Variants in CFAP251 observed in about 807,000 individuals in gnomAD.
CFAP251 encodes the protein cilia and flagella associated protein 251, also known as cilia- and flagella-associated protein 251.
CFAP251 carries 93 observed loss-of-function variants against 126.7 expected under a neutral mutation model. The ratio of observed to expected loss-of-function variants is 0.73; its 90% CI spans 0.62 to 0.87. The LOEUF is 0.87. Among genes scored for constraint, CFAP251 ranks in the 40% least tolerant of loss-of-function variants. The probability of loss-of-function intolerance (pLI) is 0.00; values close to 1 mark genes in which losing one functional copy is unlikely to be tolerated. For synonymous variants in CFAP251, 503 were observed against 506.9 expected, an observed-to-expected ratio of 0.99 and a Z score of 0.10; for missense variants, 1,287 against 1,389.2, an observed-to-expected ratio of 0.93 and a Z score of 1.17.
At chr12:121,977,875 C>T (rs1480280304) in intron 19 of CFAP251, among the ~76,000 whole-genome samples, 7 of 151,116 alleles carry the variant, frequency 4.6e-5, no homozygotes, top group Non-Finnish European at 7.4e-5. Context: ...AGGAGAATGG[C>T]GTGAACCCGG....
intron 19 of CFAP251, among the ~76,000 whole-genome samples, chr12:121,990,365 G>C (rs1882849132): frequency 1.3e-5 from 2 of 152,228 alleles, no homozygotes; most frequent in African/African-American, 4.8e-5. Flanking sequence ...TTGGCCTCAG[G>C]AGGGTGAGAT....
intron 19 of CFAP251, among the ~76,000 whole-genome samples, chr12:121,990,347 G>A (rs535451455): frequency 1.3e-5 from 2 of 152,336 alleles, no homozygotes; most frequent in Admixed American, 6.5e-5. Context: ...CAACACCAGG[G>A]GCACAGGTTG....
intron 19 of CFAP251, among the ~76,000 whole-genome samples, chr12:121,986,994 C>T (rs1431611093): frequency 6.6e-6 from 1 of 152,174 alleles, no homozygotes; most frequent in Non-Finnish European, 1.5e-5. Context: ...CCCCCCAAAG[C>T]CCTGTGTGCT....
At chr12:121,983,911 C>A (rs1882686611) in intron 19 of CFAP251, among the ~76,000 whole-genome samples, 4 of 152,152 alleles carry the variant, frequency 2.6e-5, no homozygotes, top group South Asian at 2.1e-4. Context: ...TAAAAAAAAT[C>A]TTTTCAGGGC....
intron 11 of CFAP251, 92 bp downstream of exon 11, chr12:121,957,360 T>A: frequency 2.4e-6 from 3 of 1,243,150 alleles, no homozygotes; most frequent in Non-Finnish European, 3.4e-6. Flanking sequence ...GTGTTGTTCC[T>A]GGGATATCTC....
chr12:122,003,047 C>G (rs1047791078), intron 21 of CFAP251, among the ~76,000 whole-genome samples: 7 of 152,152 alleles, frequency 4.6e-5, no homozygotes, highest in Admixed American at 3.9e-4. Context: ...TTATATATTT[C>G]TGCTGTGTTC....
intron 19 of CFAP251, among the ~76,000 whole-genome samples, chr12:121,990,581 C>T (rs940185378): frequency 6.6e-6 from 1 of 152,216 alleles, no homozygotes; most frequent in Non-Finnish European, 1.5e-5. Context: ...AGTAGGCCCA[C>T]CTCTTCCAGG....
At chr12:121,946,140 A>G (rs1881319550) in intron 7 of CFAP251, among the ~76,000 whole-genome samples, 1 of 152,054 alleles carries the variant, frequency 6.6e-6, no homozygotes, top group Non-Finnish European at 1.5e-5. Context: ...ATCAGTTTGC[A>G]TTTTCCAGAA....
chr12:121,977,206 T>C (rs4069668), intron 19 of CFAP251, among the ~76,000 whole-genome samples: 12,317 of 152,188 alleles, frequency 0.081, 951 homozygotes, highest in African/African-American at 0.2. Context: ...TTGTAGTCAG[T>C]GGTAACACAG....
chr12:121,987,905 G>T (rs771459001), intron 19 of CFAP251, among the ~76,000 whole-genome samples: 10 of 151,990 alleles, frequency 6.6e-5, no homozygotes, highest in Non-Finnish European at 8.8e-5. Context: ...GTACAAAGAA[G>T]GAAGAAAACC....
At chr12:121,981,650 G>A (rs1345916825) in intron 19 of CFAP251, among the ~76,000 whole-genome samples, 2 of 152,216 alleles carry the variant, frequency 1.3e-5, no homozygotes, top group African/African-American at 4.8e-5. Context: ...GCAGGCACCT[G>A]AGGTTCACAC....
At position 122,000,017 on chromosome 12, in the gene CFAP251, C is replaced by T; in HGVS notation, c.3235+73C>T. On this transcript the variant is annotated intron_variant, in intron 20 of 21. Transcript: ENST00000288912. The stretch of plus-strand genomic sequence containing the variant: ...AGTGTAGAGAACTGAGTTTGGGGAG[C>T]CAGCCCCTGTGGAGCTCCATCTTTC... The T allele has an allele frequency of 3.7e-6, 5 of 1,369,694 alleles. No individual in the cohort carries two copies. The Admixed American group carries it at 9.6e-5, about 26-fold the overall frequency. The allele number at this position is 1,369,694 out of a possible 1,614,324, so 84.8% of individuals were successfully genotyped here. A position where few individuals can be genotyped will look rare whatever the true frequency, so the allele number is the denominator to read the frequency against.
At chr12:121,997,421 A>AG (rs3064955) in intron 19 of CFAP251, 4 of 150,788 alleles carry the variant, frequency 2.7e-5, no homozygotes, top group African/African-American at 9.7e-5. Context: ...AAAAAAAAAA[A>AG]GGCATGCATG....
chr12:121,945,029 C>T (rs1053266333), intron 7 of CFAP251, among the ~76,000 whole-genome samples: 8 of 152,314 alleles, frequency 5.3e-5, no homozygotes, highest in East Asian at 1.9e-4. Flanking sequence ...GCCATCCACC[C>T]GCCTCAGCCT....
chr12:121,948,840 AT>A (rs533279963), intron 7 of CFAP251, 143 bp from the exon 8 acceptor site: 703 of 499,048 alleles, frequency 1.4e-3, no homozygotes, highest in Middle Eastern at 1.6e-3. Flanking sequence ...TGATATTCCT[AT>A]TTTTTTTTAC....
At chr12:121,928,770 C>T (rs1880560171) in intron 3 of CFAP251, among the ~76,000 whole-genome samples, 2 of 150,550 alleles carry the variant, frequency 1.3e-5, no homozygotes, top group African/African-American at 2.4e-5. Context: ...GATCTCGGCT[C>T]ACAGCAACCT....
rs895962101 is a variant in CFAP251 at position 121,981,414 on chromosome 12, G to A, written c.3006+5729G>A. 4.6e-5 allele frequency among the ~76,000 whole-genome samples: 7 copies of A among 152,090 alleles called. No individual in the cohort carries two copies. The East Asian group carries it at 1.3e-3, about 29-fold the overall frequency. On this transcript the variant is annotated intron_variant, in intron 19 of 21. Coordinates refer to ENST00000288912, the MANE Select transcript of CFAP251 (RefSeq NM_144668.6). ...GGGCCTGTGAGGTCAAGGATGCAGT[G>A]AGCCGTGATCACGCCACTGCACACA...
chr12:121,927,148 C>G (rs1291339929), intron 3 of CFAP251, among the ~76,000 whole-genome samples: 2 of 151,690 alleles, frequency 1.3e-5, no homozygotes, highest in African/African-American at 4.8e-5. Flanking sequence ...TGTGCCCATG[C>G]CTGTGCACAT....
intron 19 of CFAP251, chr12:121,997,494 C>T (rs913742328): frequency 8.0e-5 from 12 of 150,332 alleles, no homozygotes; most frequent in African/African-American, 2.5e-4. Context: ...GGTGATAGAG[C>T]GAGATTCTGT....
Sources: gnomAD v4.1 joint callset for allele counts (sites outside exome capture counted in the v4.1 genomes callset) on GRCh38, gnomAD v4.1.1 for gene constraint, MANE v1.5 for transcripts, NCBI Gene and HGNC (gene_info 2026-07-23, HGNC 2026-07-21) for gene names.